The following TJP2 variants were observed in gnomAD, a reference collection of about 807,000 sequenced individuals.
TJP2 encodes the protein tight junction protein 2, also known as Friedreich ataxia region gene X104 (tight junction protein ZO-2).
TJP2 carries 91 observed loss-of-function variants against 133.1 expected under a neutral mutation model. The observed-to-expected ratio is 0.68, with a 90% CI of 0.58 to 0.81. The LOEUF is 0.81. Ranked by LOEUF, TJP2 falls within the 40% of genes least tolerant of loss-of-function variation. TJP2 has a pLI of 0.00. For synonymous variants in TJP2, 592 were observed against 583.4 expected (o/e 1.01, Z -0.21); for missense variants, 1,541 against 1,565.6 (o/e 0.98, Z 0.26).
At chr9:69,160,133 ACT>A (rs756507710) in intron 2 of TJP2, among the ~76,000 whole-genome samples, 14 of 151,992 alleles carry the variant, frequency 9.2e-5, no homozygotes, top group Non-Finnish European at 1.5e-5. Context: ...ATAGAAAAAC[ACT>A]CTGCTTATGT....
chr9:69,249,630 T>C (rs1273519146), intron 20 of TJP2, 145 bp downstream of exon 20: 70 of 1,518,014 alleles, frequency 4.6e-5, no homozygotes, highest in Non-Finnish European at 5.4e-5. Context: ...AGCCTATCTT[T>C]TGGCCTGTTG....
At chr9:69,227,633 A>T (rs1289154815) in intron 7 of TJP2, 132 bp from the exon 8 acceptor site, 3 of 664,724 alleles carry the variant, frequency 4.5e-6, no homozygotes, top group South Asian at 2.0e-5. Context: ...GGACTATTAG[A>T]CTAATAGCAC....
chr9:69,195,699 G>A (rs2133088560), intron 1 of TJP2, among the ~76,000 whole-genome samples: 1 of 152,276 alleles, frequency 6.6e-6, no homozygotes, highest in Middle Eastern at 3.4e-3. Context: ...TTTCCATGGT[G>A]TTCACAAAGG....
At chr9:69,205,344 G>A (rs1174199442) in intron 1 of TJP2, 4 of 1,505,484 alleles carry the variant, frequency 2.7e-6, no homozygotes, top group South Asian at 2.6e-5. Context: ...ATTGATTTGT[G>A]CTTCTGGCAT....
chr9:69,148,805 G>A (rs1245706755), intron 1 of TJP2, among the ~76,000 whole-genome samples: 2 of 152,302 alleles, frequency 1.3e-5, no homozygotes, highest in South Asian at 2.1e-4. Flanking sequence ...CATTGAAACA[G>A]AGATTGGATG....
At chr9:69,184,551 G>T (rs191392018) in intron 1 of TJP2, among the ~76,000 whole-genome samples, 328 of 152,244 alleles carry the variant, frequency 2.2e-3, no homozygotes, top group African/African-American at 7.4e-3. Context: ...CGTGTACCTC[G>T]CTGGTAGAAC....
chr9:69,158,568 G>A (rs894836949), intron 2 of TJP2, among the ~76,000 whole-genome samples: 5 of 151,922 alleles, frequency 3.3e-5, no homozygotes, highest in African/African-American at 7.3e-5. Flanking sequence ...TCCCTTAAAC[G>A]TTGCTGTTTA....
chr9:69,143,718 TTTG>T (rs1823101656), intron 1 of TJP2, among the ~76,000 whole-genome samples: 1 of 152,218 alleles, frequency 6.6e-6, no homozygotes, highest in African/African-American at 2.4e-5. Context: ...CTCTTGGTCT[TTTG>T]TTGTTTTTGG....
At chr9:69,157,630 T>C (rs917126775) in intron 2 of TJP2, among the ~76,000 whole-genome samples, 2 of 152,112 alleles carry the variant, frequency 1.3e-5, no homozygotes, top group Admixed American at 6.5e-5. Flanking sequence ...CATGCCTAGC[T>C]AATTTTTGTA....
chr9:69,139,997 G>A (rs1178467070), intron 1 of TJP2, among the ~76,000 whole-genome samples: 4 of 152,174 alleles, frequency 2.6e-5, no homozygotes, highest in South Asian at 2.1e-4. Context: ...AGCGTTGGGG[G>A]CAGGCTTAGA....
At chr9:69,229,888 T>C (rs1402999393) in intron 10 of TJP2, among the ~76,000 whole-genome samples, 194 bp from the exon 11 acceptor site, 1 of 152,226 alleles carries the variant, frequency 6.6e-6, no homozygotes, top group Non-Finnish European at 1.5e-5. Flanking sequence ...ACCAGGGACC[T>C]ACTGATACTC....
At chr9:69,199,626 G>A (rs1486093246) in intron 1 of TJP2, among the ~76,000 whole-genome samples, 2 of 152,148 alleles carry the variant, frequency 1.3e-5, no homozygotes, top group South Asian at 2.1e-4. Context: ...GTGTCCTCCC[G>A]AAGTTTCACA....
chr9:69,193,325 C>T (rs1464441522), intron 1 of TJP2, among the ~76,000 whole-genome samples: 1 of 151,884 alleles, frequency 6.6e-6, no homozygotes, highest in East Asian at 1.9e-4. Flanking sequence ...CATGACTGCA[C>T]CACCTAGTGG....
At chr9:69,121,772 C>G (rs11145351) in intron 1 of TJP2, 26,665 of 152,336 alleles carry the variant, frequency 0.18, 2,413 homozygotes, top group Middle Eastern at 0.23. Flanking sequence ...TGCTGCCTGC[C>G]GCACGCCCCG....
intron 1 of TJP2, among the ~76,000 whole-genome samples, chr9:69,135,789 A>G (rs540710179): frequency 2.2e-4 from 33 of 152,212 alleles, no homozygotes; most frequent in Admixed American, 6.5e-4. Flanking sequence ...TATTTTTAGT[A>G]GAGATGGTGT....
chr9:69,153,075 T>A (rs1259099238), intron 2 of TJP2, among the ~76,000 whole-genome samples: 1 of 151,628 alleles, frequency 6.6e-6, no homozygotes, highest in African/African-American at 2.4e-5. Flanking sequence ...AAAAAAATAA[T>A]AATAATAATT....
chr9:69,220,901 C>T lies in TJP2; in HGVS notation c.357C>T (p.Pro119=), dbSNP rs753087955. The T allele has an allele frequency of 5.1e-5, 82 of 1,612,192 alleles. No individual in the cohort carries two copies. The highest frequency in any genetic ancestry group is 6.9e-5 in the Non-Finnish European group (81 of 1,180,044). The change falls in exon 5 of 23, where the codon CCC becomes CCT. Residue 119 remains proline (P), a synonymous_variant. Coordinates refer to ENST00000377245, the MANE Select transcript of TJP2 (RefSeq NM_004817.4). ...GKVAAIVVKR[P]RKVQVAALQA... ...TTTGACAACAGGTGGTCAAGAGGCC[C>T]CGGAAGGTCCAGGTGGCCGCACTTC...
chr9:69,134,845 A>G (rs1822654611), intron 1 of TJP2, among the ~76,000 whole-genome samples: 1 of 152,118 alleles, frequency 6.6e-6, no homozygotes, highest in Non-Finnish European at 1.5e-5. Context: ...GTTCGTGGTG[A>G]GAACCCTTTT....
At chr9:69,156,579 G>T (rs916736043) in intron 2 of TJP2, among the ~76,000 whole-genome samples, 4 of 146,596 alleles carry the variant, frequency 2.7e-5, no homozygotes, top group South Asian at 4.3e-4. Flanking sequence ...TCGCCCAGGC[G>T]GGAGTGCTGT....
Sources: allele counts gnomAD v4.1 joint callset (sites outside exome capture counted in the v4.1 genomes callset), GRCh38; gene constraint gnomAD v4.1.1; transcripts MANE v1.5; gene names NCBI Gene and HGNC (gene_info 2026-07-23, HGNC 2026-07-21).